HPSE2: variants seen among roughly 807,000 people sequenced by gnomAD.
HPSE2 encodes heparanase 2 (inactive), also known as inactive heparanase-2.
In HPSE2, 38 loss-of-function variants were observed where a neutral mutation model predicts 60.5. The observed-to-expected ratio is 0.63, with a 90% CI of 0.48 to 0.82. HPSE2 has a LOEUF of 0.82. HPSE2 is among the 40% of genes least tolerant of loss of function. The pLI, the probability that HPSE2 is intolerant of heterozygous loss-of-function variation, is 0.00. For synonymous variants in HPSE2, 295 were observed against 293.2 expected, an observed-to-expected ratio of 1.01 and a Z score of -0.06; for missense variants, 713 against 740.4, an observed-to-expected ratio of 0.96 and a Z score of 0.43.
intron 2 of HPSE2, among the ~76,000 whole-genome samples, chr10:99,186,923 T>G (rs1848051156): frequency 1.3e-5 from 2 of 151,932 alleles, no homozygotes; most frequent in African/African-American, 4.8e-5. Flanking sequence ...GCTGGAACTA[T>G]AAGCACACAC....
intron 9 of HPSE2, among the ~76,000 whole-genome samples, chr10:98,606,392 G>A (rs774214760): frequency 5.9e-5 from 9 of 152,262 alleles, no homozygotes; most frequent in East Asian, 1.9e-4. Flanking sequence ...GATCCTCTAC[G>A]GATCAACTTG....
chr10:98,483,589 A>AT (rs1199062056), intron 10 of HPSE2, among the ~76,000 whole-genome samples: 3 of 152,128 alleles, frequency 2.0e-5, no homozygotes, highest in Admixed American at 6.5e-5. Flanking sequence ...CTGTGGGAAG[A>AT]TTTTTTCTTC....
chr10:98,676,282 A>G (rs1947641444), intron 6 of HPSE2, among the ~76,000 whole-genome samples: 1 of 152,090 alleles, frequency 6.6e-6, no homozygotes, highest in African/African-American at 2.4e-5. Flanking sequence ...ACAGAGCTGG[A>G]GTTTGCTCAG....
intron 2 of HPSE2, among the ~76,000 whole-genome samples, chr10:99,185,913 A>T (rs368551390): frequency 6.6e-6 from 1 of 152,190 alleles, no homozygotes; most frequent in East Asian, 1.9e-4. Context: ...AGAGGAAAAA[A>T]GAGTGAAAAA....
intron 3 of HPSE2, among the ~76,000 whole-genome samples, chr10:99,037,082 A>G (rs949258865): frequency 3.3e-5 from 5 of 152,188 alleles, no homozygotes; most frequent in South Asian, 4.1e-4. Context: ...CCAAAAATCC[A>G]TAACTTCAGT....
chr10:98,836,485 C>A (rs1231815322), intron 3 of HPSE2, among the ~76,000 whole-genome samples: 3 of 152,048 alleles, frequency 2.0e-5, no homozygotes, highest in African/African-American at 2.4e-5. Flanking sequence ...CTCAGGAAAG[C>A]AATTACATCA....
chr10:98,691,242 C>T (rs1259612987), intron 6 of HPSE2, among the ~76,000 whole-genome samples: 2 of 152,248 alleles, frequency 1.3e-5, no homozygotes, highest in African/African-American at 4.8e-5. Flanking sequence ...ATTCCAGGTG[C>T]TATTTGTCCT....
intron 3 of HPSE2, among the ~76,000 whole-genome samples, chr10:99,056,501 A>C (rs1160151337): frequency 6.6e-6 from 1 of 152,164 alleles, no homozygotes; most frequent in South Asian, 2.1e-4. Flanking sequence ...TCTGAGAAGA[A>C]AAAAAGGTTA....
chr10:98,910,377 G>C (rs1021350252), intron 3 of HPSE2, among the ~76,000 whole-genome samples: 1 of 152,188 alleles, frequency 6.6e-6, no homozygotes, highest in African/African-American at 2.4e-5. Flanking sequence ...GAATAAAGAA[G>C]CCAGTGCTAG....
intron 3 of HPSE2, among the ~76,000 whole-genome samples, chr10:99,068,656 T>C (rs781597839): frequency 6.6e-6 from 1 of 151,880 alleles, no homozygotes; most frequent in Non-Finnish European, 1.5e-5. Context: ...AAATGGACAA[T>C]AGAAAAGCAA....
intron 3 of HPSE2, among the ~76,000 whole-genome samples, chr10:98,873,603 T>C (rs1373120212): frequency 6.6e-6 from 1 of 152,274 alleles, no homozygotes; most frequent in South Asian, 2.1e-4. Context: ...TTTTTCTTTA[T>C]CCAGTCTGTC....
chr10:98,778,247 G>T (rs1030146997), intron 3 of HPSE2, among the ~76,000 whole-genome samples: 6 of 36,182 alleles, frequency 1.7e-4, no homozygotes, highest in Middle Eastern at 0.019. Context: ...ACTGCAGGAT[G>T]CTCAGTGAGA....
chr10:99,173,736 G>C (rs796437672), intron 2 of HPSE2, among the ~76,000 whole-genome samples: 1 of 152,090 alleles, frequency 6.6e-6, no homozygotes, highest in Non-Finnish European at 1.5e-5. Flanking sequence ...CTGAGGTCAG[G>C]AGTTCGAGAC....
intron 5 of HPSE2, among the ~76,000 whole-genome samples, chr10:98,708,607 C>T (rs1263845244): frequency 6.6e-6 from 1 of 152,146 alleles, no homozygotes; most frequent in Non-Finnish European, 1.5e-5. Flanking sequence ...GTAAAAATTG[C>T]TGTAAGCTAC....
intron 9 of HPSE2, among the ~76,000 whole-genome samples, chr10:98,525,621 G>T (rs1253490818): frequency 6.6e-6 from 1 of 152,196 alleles, no homozygotes; most frequent in Non-Finnish European, 1.5e-5. Context: ...TTTGATGGGT[G>T]AGACCCACAA....
intron 2 of HPSE2, among the ~76,000 whole-genome samples, chr10:99,160,472 G>C (rs2133767623): frequency 6.6e-6 from 1 of 152,298 alleles, no homozygotes; most frequent in African/African-American, 2.4e-5. Context: ...CACATTGCTG[G>C]TGGGAATGTA....
At chr10:98,744,193 A>G (rs942411758) in intron 3 of HPSE2, 137 bp from the exon 4 acceptor site, 9 of 841,702 alleles carry the variant, frequency 1.1e-5, no homozygotes, top group African/African-American at 1.0e-4. Context: ...AAAAGGGACT[A>G]TTACCTTTTG....
intron 7 of HPSE2, among the ~76,000 whole-genome samples, chr10:98,634,844 G>A (rs890458603): frequency 4.6e-5 from 7 of 152,130 alleles, no homozygotes; most frequent in Non-Finnish European, 8.8e-5. Flanking sequence ...TGTCTACCAC[G>A]AGTGGTTCTC....
intron 11 of HPSE2, among the ~76,000 whole-genome samples, chr10:98,477,133 T>TGAAGAC (rs1301895420): frequency 3.3e-5 from 5 of 152,220 alleles, no homozygotes; most frequent in Admixed American, 3.3e-4. Flanking sequence ...AGTCACTTAA[T>TGAAGAC]ACTTTAAGAC....
Sources: allele counts gnomAD v4.1 joint callset (sites outside exome capture counted in the v4.1 genomes callset), GRCh38; gene constraint gnomAD v4.1.1; transcripts MANE v1.5; gene names NCBI Gene and HGNC (gene_info 2026-07-23, HGNC 2026-07-21).